VPS13B: variants seen among roughly 807,000 people sequenced by gnomAD.
VPS13B encodes the protein intermembrane lipid transfer protein VPS13B.
Under a neutral mutation model 426.4 loss-of-function variants are expected in VPS13B, and 285 were observed. That is an observed-to-expected ratio of 0.67 (90% CI 0.61 to 0.74). The LOEUF is 0.74. VPS13B is among the 30% of genes least tolerant of loss of function. The probability of loss-of-function intolerance (pLI) is 0.00; values close to 1 mark genes in which losing one functional copy is unlikely to be tolerated. For synonymous variants in VPS13B, 1,676 were observed against 1,676.4 expected (o/e 1.00, Z 0.01); for missense variants, 4,537 against 4,782.6 (o/e 0.95, Z 1.51).
chr8:99,738,844 G>A (rs2130455275), intron 39 of VPS13B, among the ~76,000 whole-genome samples: 1 of 152,318 alleles, frequency 6.6e-6, no homozygotes, highest in Admixed American at 6.5e-5. Context: ...TATCGAGGGT[G>A]GAGCCAAGAT....
At chr8:99,537,601 T>C (rs943749617) in intron 30 of VPS13B, among the ~76,000 whole-genome samples, 1 of 152,166 alleles carries the variant, frequency 6.6e-6, no homozygotes, top group African/African-American at 2.4e-5. Context: ...GCCCTCCTCT[T>C]TGGAGAAAAT....
intron 36 of VPS13B, among the ~76,000 whole-genome samples, chr8:99,709,451 ATTTGTTCCT>A (rs1832625136): frequency 6.6e-6 from 1 of 152,166 alleles, no homozygotes; most frequent in Non-Finnish European, 1.5e-5. Flanking sequence ...TCATGAAACT[ATTTGTTCCT>A]TGAAGTAAAT....
intron 21 of VPS13B, among the ~76,000 whole-genome samples, chr8:99,423,280 A>G (rs1469179169): frequency 6.6e-6 from 1 of 151,766 alleles, no homozygotes; most frequent in African/African-American, 2.4e-5. Flanking sequence ...TTTTTTTGAA[A>G]CAGTCTCACT....
chr8:99,850,911 G>C (rs974088745), intron 55 of VPS13B, among the ~76,000 whole-genome samples: 1 of 152,170 alleles, frequency 6.6e-6, no homozygotes, highest in Admixed American at 6.5e-5. Context: ...GGGCGACAGA[G>C]CGAGACTCCA....
At chr8:99,219,177 C>T (rs1004961028) in intron 17 of VPS13B, among the ~76,000 whole-genome samples, 8 of 152,144 alleles carry the variant, frequency 5.3e-5, no homozygotes, top group Admixed American at 2.0e-4. Context: ...TTGGCAATAA[C>T]GATCAGTCAT....
rs150376603 is a variant in VPS13B at position 99,511,430 on chromosome 8, C to T, written c.4551C>T (p.Arg1517=). ...QPMRTHTLTS[R]NLPLIYVNTS... ...TGAGGACCCATACACTGACATCCCG[C>T]AATTTACCTTTGATTTATGTCAACA... is the stretch of plus-strand genomic sequence containing the variant. The change falls in exon 29 of 62, where the codon CGC becomes CGT. Residue 1517 remains arginine, a synonymous_variant. Coordinates refer to ENST00000357162, the MANE Select transcript of VPS13B (RefSeq NM_152564.5). 8.1e-6 allele frequency: 13 copies of T among 1,613,282 alleles called. No homozygotes were observed. The East Asian group carries it at 2.0e-4, about 25-fold the overall frequency.
At chr8:99,810,382 C>A (rs1813636274) in intron 44 of VPS13B, among the ~76,000 whole-genome samples, 1 of 152,190 alleles carries the variant, frequency 6.6e-6, no homozygotes, top group African/African-American at 2.4e-5. Context: ...AGCACTTAGT[C>A]CCTGGAAAAG....
intron 16 of VPS13B, among the ~76,000 whole-genome samples, chr8:99,181,095 C>T (rs1005703130): frequency 1.3e-5 from 2 of 151,798 alleles, no homozygotes; most frequent in Non-Finnish European, 2.9e-5. Context: ...AGCGAATGAC[C>T]AATAATTAGT....
intron 30 of VPS13B, among the ~76,000 whole-genome samples, chr8:99,523,437 C>T (rs969781232): frequency 6.6e-6 from 1 of 152,222 alleles, no homozygotes; most frequent in Non-Finnish European, 1.5e-5. Context: ...GGCTTCAAGT[C>T]TGACCCAGCG....
intron 35 of VPS13B, among the ~76,000 whole-genome samples, chr8:99,686,311 A>G (rs1392976652): frequency 6.6e-6 from 1 of 152,096 alleles, no homozygotes; most frequent in East Asian, 1.9e-4. Context: ...GCTGAGTCAT[A>G]CCCGAAGCCA....
chr8:99,601,896 G>C (rs1053000856), intron 33 of VPS13B, among the ~76,000 whole-genome samples: 7 of 152,154 alleles, frequency 4.6e-5, no homozygotes, highest in African/African-American at 1.7e-4. Flanking sequence ...CTAGATATTA[G>C]CACTTTGTCA....
intron 43 of VPS13B, among the ~76,000 whole-genome samples, chr8:99,807,344 A>C (rs2130779714): frequency 6.6e-6 from 1 of 152,300 alleles, no homozygotes; most frequent in South Asian, 2.1e-4. Context: ...CATTGTGTAC[A>C]TTAAAACTTT....
At chr8:99,745,914 A>G (rs1810060614) in intron 39 of VPS13B, among the ~76,000 whole-genome samples, 1 of 151,998 alleles carries the variant, frequency 6.6e-6, no homozygotes, top group South Asian at 2.1e-4. Context: ...CTCTATCTAT[A>G]TTTTTCCCCT....
At chr8:99,682,001 CAAAAT>C (rs1167701884) in intron 35 of VPS13B, among the ~76,000 whole-genome samples, 7 of 152,106 alleles carry the variant, frequency 4.6e-5, no homozygotes, top group African/African-American at 1.7e-4. Context: ...ATTCACAAAA[CAAAAT>C]AAATCTATAA....
In VPS13B at chr8:99,564,694, C is replaced by T. The variant is rs527340294; in HGVS notation, c.4949+8041C>T. ...CATCTTCCAAATGTTGTTAAGGTTC[C>T]TCTTTTGCAAAACTCTAAACTCTGA... is the stretch of plus-strand genomic sequence containing the variant. On this transcript the variant is annotated intron_variant, in intron 31 of 61. Transcript: ENST00000357162. Among the ~76,000 whole-genome samples, 608 of 152,280 alleles carry T rather than the reference C, an allele frequency of 4.0e-3. 1 individual carries two copies. Among genetic ancestry groups the T allele is most frequent in the Non-Finnish European group, 6.6e-3 (446 of 68,022 alleles).
intron 3 of VPS13B, among the ~76,000 whole-genome samples, chr8:99,078,761 G>GGGTCTCCGGTGGCAGGCCAACCATTT (rs1316603172): frequency 6.6e-6 from 1 of 152,100 alleles, no homozygotes; most frequent in African/African-American, 2.4e-5. Context: ...GCCAACCATT[G>GGGTCTCCGGTGGCAGGCCAACCATTT]GGTCTCCAGT....
chr8:99,310,884 C>G (rs1305661007), intron 19 of VPS13B, among the ~76,000 whole-genome samples: 1 of 152,110 alleles, frequency 6.6e-6, no homozygotes, highest in Non-Finnish European at 1.5e-5. Flanking sequence ...CAACTTCTTC[C>G]TGTTTTAGTC....
chr8:99,427,832 A>T (rs1458803804), intron 21 of VPS13B, among the ~76,000 whole-genome samples: 1 of 152,138 alleles, frequency 6.6e-6, no homozygotes, highest in Non-Finnish European at 1.5e-5. Context: ...TTGCCAAGTC[A>T]ATCCTAAGCC....
chr8:99,288,805 A>G (rs1415547266), intron 19 of VPS13B, among the ~76,000 whole-genome samples: 2 of 152,108 alleles, frequency 1.3e-5, no homozygotes, highest in Non-Finnish European at 2.9e-5. Flanking sequence ...ACCTTCAATG[A>G]CTTATGATCC....
Sources: gnomAD v4.1 joint callset for allele counts (sites outside exome capture counted in the v4.1 genomes callset) on GRCh38, gnomAD v4.1.1 for gene constraint, MANE v1.5 for transcripts, NCBI Gene and HGNC (gene_info 2026-07-23, HGNC 2026-07-21) for gene names.